Variants in ZDHHC15 observed in about 807,000 individuals in gnomAD.
ZDHHC15 encodes the protein zDHHC palmitoyltransferase 15.
Under a neutral mutation model 31.7 loss-of-function variants are expected in ZDHHC15, and 19 were observed. The ratio of observed to expected loss-of-function variants is 0.60; its 90% CI spans 0.42 to 0.88. The LOEUF (loss-of-function observed/expected upper bound fraction) is 0.88. Ranked by LOEUF, ZDHHC15 falls within the 40% of genes least tolerant of loss-of-function variation. ZDHHC15 has a pLI of 0.00. For missense variants in ZDHHC15, 209 were observed against 251.2 expected (o/e 0.83, Z 1.14); for synonymous variants, 103 against 90.0 (o/e 1.14, Z -0.82).
At chrX:75,428,808 G>C (rs188616328) in intron 7 of ZDHHC15, among the ~76,000 whole-genome samples, 38 of 111,813 alleles carry the variant, frequency 3.4e-4, no homozygotes, top group Admixed American at 3.3e-3. Flanking sequence ...ACATTGTAAA[G>C]AATCAATAGG....
intron 3 of ZDHHC15, among the ~76,000 whole-genome samples, chrX:75,453,105 T>C (rs1271129613): frequency 2.7e-5 from 3 of 111,466 alleles, no homozygotes; most frequent in Non-Finnish European, 1.9e-5. Flanking sequence ...GCTGGTTTTT[T>C]TGAAAAGATC....
chrX:75,497,141 G>A (rs962502082), intron 2 of ZDHHC15, among the ~76,000 whole-genome samples: 7 of 111,377 alleles, frequency 6.3e-5, no homozygotes, highest in African/African-American at 1.6e-4. Context: ...AATTAGAAAC[G>A]AAATAGGAAA....
intron 3 of ZDHHC15, among the ~76,000 whole-genome samples, chrX:75,474,273 C>A (rs770637181): frequency 9.1e-6 from 1 of 109,514 alleles, no homozygotes; most frequent in Non-Finnish European, 1.9e-5. Flanking sequence ...AGCCTCCAAG[C>A]CTCGATCTTT....
At chrX:75,463,585 A>G (rs2084354928) in intron 3 of ZDHHC15, among the ~76,000 whole-genome samples, 1 of 109,750 alleles carries the variant, frequency 9.1e-6, no homozygotes, top group African/African-American at 3.3e-5. Flanking sequence ...TACAACAACA[A>G]CAACAACAAC....
At chrX:75,481,073 A>C (rs2080266603) in intron 2 of ZDHHC15, among the ~76,000 whole-genome samples, 1 of 111,000 alleles carries the variant, frequency 9.0e-6, no homozygotes, top group Non-Finnish European at 1.9e-5. Context: ...AAGTGTTATC[A>C]TACTTTTTTC....
chrX:75,450,820 T>C lies in ZDHHC15; in HGVS notation c.361A>G (p.Thr121Ala). 8.3e-7 allele frequency: 1 copy of C among 1,211,111 alleles called. No homozygotes were observed. Among genetic ancestry groups the C allele is most frequent in the Non-Finnish European group, 1.1e-6 (1 of 895,023 alleles). Residue 121 changes from threonine (T) to alanine (A), a missense_variant, in exon 4 of 12, where the codon ACA becomes GCA. By Grantham distance (58) the Thr-to-Ala change is moderately conservative. Transcript: ENST00000373367. The part of the protein sequence containing the change: ...VDMAKKLPVY[T>A]RTGSGAVRFC... ...AACTGACCTCCACTTCCAGTTCTTG[T>C]GTAAACCGGTAGCTTTTTGGCCATA...
intron 4 of ZDHHC15, among the ~76,000 whole-genome samples, chrX:75,444,460 G>C (rs2083996134): frequency 2.6e-5 from 2 of 76,591 alleles, no homozygotes; most frequent in African/African-American, 5.5e-5. Context: ...ACACACCAGG[G>C]CCTGTCGTGG....
At chrX:75,501,153 T>C (rs981179929) in intron 2 of ZDHHC15, among the ~76,000 whole-genome samples, 2 of 110,805 alleles carry the variant, frequency 1.8e-5, no homozygotes, top group Admixed American at 9.7e-5. Context: ...CCAGTGTCTG[T>C]TGTTCTCTTC....
chrX:75,509,787 T>G (rs945510010), intron 1 of ZDHHC15, among the ~76,000 whole-genome samples: 1 of 112,648 alleles, frequency 8.9e-6, no homozygotes, highest in Admixed American at 9.4e-5. Context: ...AGTACTTAAT[T>G]ATTGTTAGCA....
intron 2 of ZDHHC15, among the ~76,000 whole-genome samples, chrX:75,492,725 G>A (rs917475978): frequency 9.0e-6 from 1 of 111,662 alleles, no homozygotes; most frequent in African/African-American, 3.3e-5. Flanking sequence ...GATGTTCTTT[G>A]AAACCAATGA....
In ZDHHC15 at chrX:75,380,508, C is replaced by T. The variant is rs142595616; in HGVS notation, c.968-1310G>A. Among the ~76,000 whole-genome samples, 571 of 111,482 alleles carry T rather than the reference C, an allele frequency of 5.1e-3. 7 individuals are homozygous for T. Among genetic ancestry groups the T allele is most frequent in the African/African-American group, 0.018 (540 of 30,649 alleles). ...TATTTGGCACAGAAAATTTTTCCTC[C>T]AAGCAATTATTTGAATTAAAATCCT... On this transcript the variant is annotated intron_variant, in intron 10 of 11. Coordinates refer to ENST00000373367, the MANE Select transcript of ZDHHC15 (RefSeq NM_144969.3).
intron 2 of ZDHHC15, among the ~76,000 whole-genome samples, chrX:75,492,552 G>T (rs955723870): frequency 1.1e-4 from 12 of 111,596 alleles, no homozygotes; most frequent in Non-Finnish European, 2.1e-4. Flanking sequence ...CTCGGCAAAT[G>T]TAAAAGAACA....
chrX:75,446,267 T>C (rs985352769), intron 4 of ZDHHC15, among the ~76,000 whole-genome samples: 17 of 111,740 alleles, frequency 1.5e-4, no homozygotes, highest in East Asian at 5.7e-4. Context: ...ATTTGGTTGG[T>C]TGGTTTGCTA....
chrX:75,478,809 C>T, intron 3 of ZDHHC15, 82 bp downstream of exon 3: 1 of 718,285 alleles, frequency 1.4e-6, no homozygotes, highest in Non-Finnish European at 2.1e-6. Flanking sequence ...ATTATTTACT[C>T]CTCTTTTTGT....
Position 75,488,682 on chromosome X carries a change from G to A in ZDHHC15, c.164-9697C>T, listed in dbSNP as rs564467654. ...CTCCCAGCATGAGTGACACAGAGAC[G>A]GGTGATTGCTGCATTTCCAACAGAG... On this transcript the variant is annotated intron_variant, in intron 2 of 11. Coordinates refer to ENST00000373367, the MANE Select transcript of ZDHHC15 (RefSeq NM_144969.3). Among the ~76,000 whole-genome samples the A allele has an allele frequency of 1.7e-4, 19 of 112,251 alleles. No homozygotes were observed. In the Middle Eastern group the frequency reaches 0.014, roughly 81 times the overall value.
intron 10 of ZDHHC15, among the ~76,000 whole-genome samples, chrX:75,416,536 C>T (rs2083550814): frequency 8.9e-6 from 1 of 111,845 alleles, no homozygotes; most frequent in Non-Finnish European, 1.9e-5. Context: ...TTACAAAATG[C>T]CTTAGGATGA....
At chrX:75,373,027 G>A (rs907967073) in intron 11 of ZDHHC15, 82 bp from the exon 12 acceptor site, 1 of 111,351 alleles carries the variant, frequency 9.0e-6, no homozygotes, top group African/African-American at 3.3e-5. Context: ...ACAATAATAT[G>A]CAACCATTAA....
intron 7 of ZDHHC15, among the ~76,000 whole-genome samples, chrX:75,425,238 G>C (rs1412452125): frequency 3.6e-5 from 1 of 28,092 alleles, no homozygotes; most frequent in Non-Finnish European, 2.1e-4. Context: ...ATGTATGTAA[G>C]AAGTTAAAAC....
chrX:75,414,726 C>A (rs1292083923), intron 10 of ZDHHC15, among the ~76,000 whole-genome samples: 1 of 102,195 alleles, frequency 9.8e-6, no homozygotes, highest in Admixed American at 1.1e-4. Context: ...GTGTGAGCCA[C>A]CACGCCCAGC....
Sources: gnomAD v4.1 joint callset for allele counts (sites outside exome capture counted in the v4.1 genomes callset) on GRCh38, gnomAD v4.1.1 for gene constraint, MANE v1.5 for transcripts, NCBI Gene and HGNC (gene_info 2026-07-23, HGNC 2026-07-21) for gene names.